The following COL28A1 variants were observed in gnomAD, a reference collection of about 807,000 sequenced individuals.
COL28A1 encodes the protein collagen type XXVIII alpha 1 chain, also known as collagen alpha-1(XXVIII) chain.
Under a neutral mutation model 150.2 loss-of-function variants are expected in COL28A1, and 161 were observed. The observed-to-expected ratio is 1.07, with a 90% CI of 0.94 to 1.22. The LOEUF (loss-of-function observed/expected upper bound fraction) is 1.22. Among genes scored for constraint, COL28A1 ranks in the 50% most tolerant of loss-of-function variants. The pLI is 0.00. For synonymous variants in COL28A1, 552 were observed against 469.7 expected, an observed-to-expected ratio of 1.18 and a Z score of -2.26; for missense variants, 1,617 against 1,388.3, an observed-to-expected ratio of 1.16 and a Z score of -2.62.
chr7:7,497,080 A>AG, intron 11 of COL28A1, among the ~76,000 whole-genome samples: 5 of 138,230 alleles, frequency 3.6e-5, no homozygotes, highest in African/African-American at 1.4e-4. Context: ...AAAGGAAGGA[A>AG]GAAAGGAAGG....
chr7:7,387,679 T>C (rs1283923588), intron 27 of COL28A1, among the ~76,000 whole-genome samples: 1 of 152,210 alleles, frequency 6.6e-6, no homozygotes, highest in Non-Finnish European at 1.5e-5. Flanking sequence ...AAAAATTCTT[T>C]GTATTATCTT....
intron 9 of COL28A1, among the ~76,000 whole-genome samples, chr7:7,508,397 C>T (rs562632157): frequency 5.9e-5 from 9 of 152,164 alleles, no homozygotes; most frequent in Non-Finnish European, 1.2e-4. Context: ...ACTTCTGATT[C>T]ACTCCTAAGA....
At chr7:7,440,898 G>A (rs572421122) in intron 20 of COL28A1, 37 bp from the exon 21 acceptor site, 2 of 1,030,990 alleles carry the variant, frequency 1.9e-6, no homozygotes, top group East Asian at 4.7e-5. Flanking sequence ...ATTTTCGTAT[G>A]GTATTAGCAA....
intron 13 of COL28A1, among the ~76,000 whole-genome samples, chr7:7,478,209 G>A (rs1402383128): frequency 6.6e-6 from 1 of 152,142 alleles, no homozygotes; most frequent in Non-Finnish European, 1.5e-5. Flanking sequence ...GCTGATTGGT[G>A]TGTTTACAAA....
the COL28A1 span, among the ~76,000 whole-genome samples, chr7:7,349,182 ATT>A: frequency 5.3e-5 from 8 of 152,144 alleles, no homozygotes; most frequent in Non-Finnish European, 1.0e-4. Context: ...TTCCAAATAT[ATT>A]GTTTATAATT....
At chr7:7,456,429 G>C (rs1301460282) in intron 15 of COL28A1, among the ~76,000 whole-genome samples, 1 of 151,908 alleles carries the variant, frequency 6.6e-6, no homozygotes, top group African/African-American at 2.4e-5. Flanking sequence ...GATTGTAACA[G>C]AAATATTTAA....
chr7:7,489,609 T>C, intron 12 of COL28A1, 152 bp from the exon 13 acceptor site: 1 of 618,364 alleles, frequency 1.6e-6, no homozygotes, highest in Non-Finnish European at 2.9e-6. Context: ...GGAAGAGAAA[T>C]AGCTCGAATT....
At chr7:7,428,331 G>T (rs535099319) in intron 25 of COL28A1, among the ~76,000 whole-genome samples, 6 of 152,106 alleles carry the variant, frequency 3.9e-5, no homozygotes, top group Non-Finnish European at 8.8e-5. Flanking sequence ...TGATGATCCA[G>T]CTCCCTGAGA....
At chr7:7,448,584 C>T (rs1314774692) in intron 18 of COL28A1, among the ~76,000 whole-genome samples, 1 of 150,952 alleles carries the variant, frequency 6.6e-6, no homozygotes, top group Non-Finnish European at 1.5e-5. Flanking sequence ...AAACAAATGT[C>T]CATACAAACA....
At position 7,440,942 on chromosome 7, in the gene COL28A1, C is replaced by T. The variant is rs59714813; in HGVS notation, c.1651-81G>A. 5.6e-3 allele frequency: 4,020 copies of T among 718,658 alleles called. 133 individuals carry two copies. In the African/African-American group the frequency reaches 0.063, roughly 11 times the overall value. The allele number at this position is 718,658 out of a possible 1,614,324, so 44.5% of individuals were successfully genotyped here. On this transcript the variant is annotated intron_variant, in intron 20 of 34. Transcript: ENST00000399429. ...AATCTAGCAAGGACCATAGCGGAGC[C>T]GGATTCTCGACTAATACCAATTTTA...
At chr7:7,382,549 A>G (rs900617308) in intron 27 of COL28A1, among the ~76,000 whole-genome samples, 11 of 152,176 alleles carry the variant, frequency 7.2e-5, no homozygotes, top group Non-Finnish European at 1.5e-4. Flanking sequence ...GGTGTTGAGC[A>G]TGAAACAGAA....
intron 15 of COL28A1, among the ~76,000 whole-genome samples, chr7:7,463,667 AG>A (rs1229632819): frequency 1.3e-5 from 2 of 152,236 alleles, no homozygotes; most frequent in Non-Finnish European, 2.9e-5. Context: ...AACTGCCAAA[AG>A]GAGCTCTAAA....
At chr7:7,364,140 T>C (rs947977856) in intron 33 of COL28A1, among the ~76,000 whole-genome samples, 2 of 152,206 alleles carry the variant, frequency 1.3e-5, no homozygotes, top group Non-Finnish European at 2.9e-5. Flanking sequence ...TTCTAGATGA[T>C]GCACAGTACC....
intron 27 of COL28A1, among the ~76,000 whole-genome samples, chr7:7,389,986 T>C (rs1485889712): frequency 6.6e-6 from 1 of 152,192 alleles, no homozygotes; most frequent in Non-Finnish European, 1.5e-5. Context: ...CCTTTATTTC[T>C]TTCTCTTGAC....
At chr7:7,389,594 A>T (rs1049129614) in intron 27 of COL28A1, among the ~76,000 whole-genome samples, 6 of 152,070 alleles carry the variant, frequency 3.9e-5, no homozygotes, top group African/African-American at 1.4e-4. Flanking sequence ...GGGCAGTATG[A>T]CCATTTTCAC....
At chr7:7,534,656 T>C (rs1262284241) in intron 1 of COL28A1, among the ~76,000 whole-genome samples, 1 of 152,142 alleles carries the variant, frequency 6.6e-6, no homozygotes, top group Admixed American at 6.6e-5. Context: ...CATGTAAGGT[T>C]TTAGAAATAC....
At chr7:7,490,782 T>C (rs1779874746) in intron 11 of COL28A1, 136 bp from the exon 12 acceptor site, 1 of 467,168 alleles carries the variant, frequency 2.1e-6, no homozygotes, top group South Asian at 4.2e-5. Context: ...CTGCCCTCAA[T>C]TGTTTACAAC....
chr7:7,495,347 C>T (rs556832625), intron 11 of COL28A1, among the ~76,000 whole-genome samples: 1 of 152,076 alleles, frequency 6.6e-6, no homozygotes, highest in African/African-American at 2.4e-5. Context: ...TTGGGCACTG[C>T]GGTTTAGAGT....
chr7:7,432,790 C>T (rs756019840), intron 23 of COL28A1, 90 bp from the exon 24 acceptor site: 63 of 943,626 alleles, frequency 6.7e-5, no homozygotes, highest in Non-Finnish European at 9.5e-5. Flanking sequence ...AATATGCCAA[C>T]GGTCGATTTC....
Sources: gnomAD v4.1 joint callset for allele counts (sites outside exome capture counted in the v4.1 genomes callset) on GRCh38, gnomAD v4.1.1 for gene constraint, MANE v1.5 for transcripts, NCBI Gene and HGNC (gene_info 2026-07-23, HGNC 2026-07-21) for gene names.